ERC1: variants seen among roughly 807,000 people sequenced by gnomAD.
ERC1 encodes RAB6 interacting protein 2.
Under a neutral mutation model 132.0 loss-of-function variants are expected in ERC1, and 56 were observed. The ratio of observed to expected loss-of-function variants is 0.42; its 90% confidence interval spans 0.34 to 0.53. The LOEUF is 0.53. Ranked by LOEUF, ERC1 falls within the 20% of genes least tolerant of loss-of-function variation. ERC1 has a pLI of 0.03. For synonymous variants in ERC1, 478 were observed against 476.1 expected (o/e 1.00, Z -0.05); for missense variants, 1,202 against 1,349.9 (o/e 0.89, Z 1.72).
chr12:1,113,270 A>C (rs1414027597), intron 6 of ERC1, among the ~76,000 whole-genome samples: 1 of 152,200 alleles, frequency 6.6e-6, no homozygotes, highest in Non-Finnish European at 1.5e-5. Flanking sequence ...CTGAATAATA[A>C]AGTAGCTAAC....
At chr12:1,117,553 CT>C (rs1290965852) in intron 7 of ERC1, among the ~76,000 whole-genome samples, 1 of 152,196 alleles carries the variant, frequency 6.6e-6, no homozygotes, top group Non-Finnish European at 1.5e-5. Context: ...GGACTTCCAT[CT>C]TTACCACTTA....
At chr12:1,116,127 A>T in intron 7 of ERC1, 94 bp downstream of exon 7, 1 of 1,041,912 alleles carries the variant, frequency 9.6e-7, no homozygotes, top group Non-Finnish European at 1.4e-6. Flanking sequence ...AGAATTGGGA[A>T]ATATGAGTAA....
chr12:1,083,268 T>C lies in ERC1; in HGVS notation c.774T>C (p.Cys258=), dbSNP rs760807702. Residue 258 remains cysteine, a synonymous_variant, in exon 3 of 19, where the codon TGT becomes TGC. Coordinates refer to ENST00000360905, the MANE Select transcript of ERC1 (RefSeq NM_178040.4). ...QDSSSRTGEP[C]VAELTEENFQ... ...GTAGCAGCAGGACTGGCGAACCTTGTGTAGCAGAGCTGACAGAGGAGAACT... is the reference window on the plus strand; with the variant it reads ...GTAGCAGCAGGACTGGCGAACCTTGCGTAGCAGAGCTGACAGAGGAGAACT... The C allele has an allele frequency of 1.2e-6, 2 of 1,614,202 alleles. No homozygotes were observed. Among genetic ancestry groups the C allele is most frequent in the East Asian group, 4.5e-5 (2 of 44,888 alleles).
intron 1 of ERC1, among the ~76,000 whole-genome samples, chr12:1,013,997 T>G (rs562720181): frequency 3.7e-4 from 56 of 151,326 alleles, no homozygotes; most frequent in Non-Finnish European, 7.4e-4. Context: ...GTTGGGATTA[T>G]AGGCATAAGC....
At chr12:1,414,738 C>A (rs1361836823) in intron 17 of ERC1, among the ~76,000 whole-genome samples, 2 of 152,032 alleles carry the variant, frequency 1.3e-5, no homozygotes, top group East Asian at 3.9e-4. Context: ...TCCCTCCTTA[C>A]TGTAGAATGT....
chr12:1,051,150 T>C (rs1971887037), intron 2 of ERC1, among the ~76,000 whole-genome samples: 1 of 152,204 alleles, frequency 6.6e-6, no homozygotes, highest in Admixed American at 6.5e-5. Flanking sequence ...GATTGCATGA[T>C]TTTCAGCTAC....
At chr12:1,369,766 T>C (rs1460005639) in intron 15 of ERC1, among the ~76,000 whole-genome samples, 1 of 152,216 alleles carries the variant, frequency 6.6e-6, no homozygotes, top group Non-Finnish European at 1.5e-5. Flanking sequence ...TGGTATAAGT[T>C]GCCTGCCATT....
chr12:1,051,629 G>T (rs1488787390), intron 2 of ERC1, among the ~76,000 whole-genome samples: 1 of 151,972 alleles, frequency 6.6e-6, no homozygotes, highest in Non-Finnish European at 1.5e-5. Context: ...TAAGGTGGGA[G>T]GATTGCTGGA....
chr12:1,225,215 T>C (rs747749778), intron 12 of ERC1, among the ~76,000 whole-genome samples: 5 of 151,958 alleles, frequency 3.3e-5, no homozygotes, highest in Non-Finnish European at 7.4e-5. Context: ...TCTCAGCAAC[T>C]CAGGAGTCTG....
chr12:1,487,822 G>GAAAGAA (rs1555132988), intron 18 of ERC1, among the ~76,000 whole-genome samples: 2 of 148,704 alleles, frequency 1.3e-5, no homozygotes, highest in Non-Finnish European at 3.0e-5. Flanking sequence ...GAGAGAGAGA[G>GAAAGAA]AGAAAGAAAA....
chr12:1,410,274 CAAG>C (rs1317541538), intron 17 of ERC1: 13 of 405,250 alleles, frequency 3.2e-5, no homozygotes, highest in Non-Finnish European at 2.4e-5. Flanking sequence ...ATGAGAGAGT[CAAG>C]AAATTCTCTT....
chr12:1,148,695 G>C (rs1369957283), intron 8 of ERC1, among the ~76,000 whole-genome samples: 5 of 152,066 alleles, frequency 3.3e-5, no homozygotes, highest in African/African-American at 1.2e-4. Context: ...TCCGCCTCCC[G>C]GGTTCAAGTG....
Position 1,480,877 on chromosome 12 carries a change from C to T in ERC1, c.3214-9216C>T, listed in dbSNP as rs1400382615. On this transcript the variant is annotated intron_variant, in intron 18 of 18. Coordinates refer to ENST00000360905, the MANE Select transcript of ERC1 (RefSeq NM_178040.4). ...CATCCCAAAGCCATGGAAAAACTGC[C>T]TTTTTTCATGTGATGCTCATGGTAA... is the stretch of plus-strand genomic sequence containing the variant. The T allele has an allele frequency of 5.7e-6, 4 of 702,422 alleles. No individual in the cohort carries two copies. The South Asian group carries it at 5.9e-5, about 10-fold the overall frequency. The allele number at this position is 702,422 out of a possible 1,614,324, so 43.5% of individuals were successfully genotyped here.
At chr12:1,457,048 C>T (rs886551400) in intron 18 of ERC1, among the ~76,000 whole-genome samples, 1 of 152,180 alleles carries the variant, frequency 6.6e-6, no homozygotes, top group African/African-American at 2.4e-5. Flanking sequence ...TTTACTGTAC[C>T]TTGTCTATGT....
chr12:1,012,237 T>G (rs1434751098), intron 1 of ERC1, among the ~76,000 whole-genome samples: 1 of 152,188 alleles, frequency 6.6e-6, no homozygotes, highest in Non-Finnish European at 1.5e-5. Flanking sequence ...TCAGATACTT[T>G]TATTATTTTT....
At chr12:1,231,889 G>A (rs774848979) in intron 12 of ERC1, among the ~76,000 whole-genome samples, 2 of 151,976 alleles carry the variant, frequency 1.3e-5, no homozygotes, top group Non-Finnish European at 2.9e-5. Flanking sequence ...ACAGGCGCCC[G>A]CCACCACGCC....
chr12:1,173,098 A>T (rs1953260602), intron 8 of ERC1, among the ~76,000 whole-genome samples: 2 of 152,226 alleles, frequency 1.3e-5, no homozygotes, highest in Non-Finnish European at 2.9e-5. Flanking sequence ...ACATGATCGT[A>T]GCAATGGTAT....
chr12:1,102,496 A>G (rs913162797), intron 3 of ERC1, among the ~76,000 whole-genome samples: 3 of 152,130 alleles, frequency 2.0e-5, no homozygotes, highest in Admixed American at 6.5e-5. Flanking sequence ...TGTATGAGAA[A>G]TAGGAGGTGT....
chr12:1,212,458 C>T (rs1038761701), intron 12 of ERC1, among the ~76,000 whole-genome samples: 6 of 152,154 alleles, frequency 3.9e-5, no homozygotes, highest in African/African-American at 1.4e-4. Context: ...CCTGTCCACT[C>T]TAATAGCACT....
Sources: gnomAD v4.1 joint callset for allele counts (sites outside exome capture counted in the v4.1 genomes callset) on GRCh38, gnomAD v4.1.1 for gene constraint, MANE v1.5 for transcripts, NCBI Gene and HGNC (gene_info 2026-07-23, HGNC 2026-07-21) for gene names.